SLC9A9: variants seen among roughly 807,000 people sequenced by gnomAD.
SLC9A9 encodes the protein sodium/hydrogen exchanger 9.
A neutral mutation model predicts 77.8 loss-of-function variants in SLC9A9; 62 were observed. The ratio of observed to expected loss-of-function variants is 0.80; its 90% CI spans 0.65 to 0.98. The LOEUF is 0.98. Among genes scored for constraint, SLC9A9 ranks in the 50% least tolerant of loss-of-function variants. SLC9A9 has a pLI of 0.00. For missense variants in SLC9A9, 775 were observed against 774.9 expected (o/e 1.00, Z 0.00); for synonymous variants, 320 against 283.5 (o/e 1.13, Z -1.29).
At chr3:143,624,009 A>C (rs1182968803) in intron 6 of SLC9A9, among the ~76,000 whole-genome samples, 1 of 152,238 alleles carries the variant, frequency 6.6e-6, no homozygotes, top group African/African-American at 2.4e-5. Context: ...AAACTAGAAA[A>C]TCTAGAAGAA....
chr3:143,656,581 C>T (rs1363137544), intron 5 of SLC9A9, among the ~76,000 whole-genome samples: 1 of 152,146 alleles, frequency 6.6e-6, no homozygotes, highest in Non-Finnish European at 1.5e-5. Flanking sequence ...AAGTGTTTTA[C>T]AAGGAATTTA....
At position 143,266,628 on chromosome 3, in the gene SLC9A9, G is replaced by A; in HGVS notation, c.*74C>T. 1 of 1,463,834 alleles carries A rather than the reference G, an allele frequency of 6.8e-7. No individual in the cohort carries two copies. The highest frequency in any genetic ancestry group is 9.5e-7 in the Non-Finnish European group (1 of 1,047,940). The allele number at this position is 1,463,834 out of a possible 1,614,324, so 90.7% of individuals were successfully genotyped here. A position where few individuals can be genotyped will look rare whatever the true frequency, so the allele number is the denominator to read the frequency against. ...TGTTTTCCAGCCTCTCCCCTGTACT[G>A]CCTCATCAGCTTGGCTTGTATTCCT... On this transcript the variant is annotated 3_prime_UTR_variant, in exon 16 of 16. Coordinates refer to ENST00000316549, the MANE Select transcript of SLC9A9 (RefSeq NM_173653.4).
intron 13 of SLC9A9, among the ~76,000 whole-genome samples, chr3:143,377,698 G>A (rs1039755548): frequency 6.6e-6 from 1 of 152,202 alleles, no homozygotes; most frequent in African/African-American, 2.4e-5. Flanking sequence ...ACAACAGCTG[G>A]CAGGGTGGAA....
intron 6 of SLC9A9, among the ~76,000 whole-genome samples, chr3:143,623,484 G>A (rs1015266458): frequency 4.6e-5 from 7 of 152,176 alleles, no homozygotes; most frequent in African/African-American, 1.7e-4. Flanking sequence ...TCAACTACAT[G>A]CAAACTGAAC....
rs561275900 is a variant in SLC9A9 at position 143,840,021 on chromosome 3, A to G, written c.176-7800T>C. Among the ~76,000 whole-genome samples, 3 of 152,250 alleles carry G rather than the reference A, an allele frequency of 2.0e-5. No individual in the cohort carries two copies. In the South Asian group the frequency reaches 6.2e-4, roughly 32 times the overall value. The stretch of plus-strand genomic sequence containing the variant: ...GAAAACAGAGGAAATGAAACTAGGC[A>G]CTATATTTCAAGTTTATTTTCCTAG... On this transcript the variant is annotated intron_variant, in intron 1 of 15. Coordinates refer to ENST00000316549, the MANE Select transcript of SLC9A9 (RefSeq NM_173653.4).
At chr3:143,481,101 G>A (rs1006923174) in intron 11 of SLC9A9, among the ~76,000 whole-genome samples, 3 of 152,144 alleles carry the variant, frequency 2.0e-5, no homozygotes, top group African/African-American at 7.2e-5. Flanking sequence ...ATTTATAGAA[G>A]CCTACTCACC....
rs920621551 is a variant in SLC9A9, at chr3:143,405,698, C to G, written c.1470-23584G>C. ...TGGGATGGGAAACACTAGTGGTCTGCCTCTCCCAGGGTGAAACCAGAGCTC... is the reference window on the plus strand; with the variant it reads ...TGGGATGGGAAACACTAGTGGTCTGGCTCTCCCAGGGTGAAACCAGAGCTC... On this transcript the variant is annotated intron_variant, in intron 12 of 15. Transcript: ENST00000316549. Among the ~76,000 whole-genome samples the G allele has an allele frequency of 4.6e-5, 7 of 152,310 alleles. No individual in the cohort carries two copies. The East Asian group carries it at 1.2e-3, about 25-fold the overall frequency.
chr3:143,756,133 G>A (rs548611766), intron 4 of SLC9A9, among the ~76,000 whole-genome samples: 3 of 152,116 alleles, frequency 2.0e-5, no homozygotes, highest in Admixed American at 6.6e-5. Context: ...GTACCCACAC[G>A]ATGTCAAACA....
At position 143,729,615 on chromosome 3, in the gene SLC9A9, T is replaced by C. The variant is rs193132530; in HGVS notation, c.534-36308A>G. Among the ~76,000 whole-genome samples, 58 of 152,258 alleles carry C rather than the reference T, an allele frequency of 3.8e-4. 1 individual carries two copies. The highest frequency in any genetic ancestry group is 1.3e-4 in the Non-Finnish European group (9 of 68,006). ...CATAACAAATGAAATCCAGACTCCT[T>C]GGGATGGCACAAAATACCTTTACTC... On this transcript the variant is annotated intron_variant, in intron 4 of 15. Transcript: ENST00000316549.
intron 15 of SLC9A9, among the ~76,000 whole-genome samples, chr3:143,267,390 C>G (rs1411463107): frequency 7.3e-6 from 1 of 137,416 alleles, no homozygotes; most frequent in Non-Finnish European, 1.5e-5. Context: ...ACTCTGTCAT[C>G]CAGCCTAGAG....
At chr3:143,700,672 T>A (rs2086755114) in intron 4 of SLC9A9, among the ~76,000 whole-genome samples, 1 of 152,206 alleles carries the variant, frequency 6.6e-6, no homozygotes, top group Admixed American at 6.5e-5. Flanking sequence ...GGTAGACTTG[T>A]AAGGATTTTG....
chr3:143,581,480 T>C (rs2037451404), intron 6 of SLC9A9, among the ~76,000 whole-genome samples: 1 of 152,112 alleles, frequency 6.6e-6, no homozygotes, highest in Non-Finnish European at 1.5e-5. Context: ...CTCTCCTTCC[T>C]TCCTTCCTTC....
chr3:143,667,040 A>G (rs1336161042), intron 5 of SLC9A9, among the ~76,000 whole-genome samples: 1 of 152,214 alleles, frequency 6.6e-6, no homozygotes, highest in Non-Finnish European at 1.5e-5. Context: ...CCTAAGCCAA[A>G]AGAACAAAGC....
intron 9 of SLC9A9, among the ~76,000 whole-genome samples, chr3:143,526,086 T>C (rs2036399890): frequency 6.6e-6 from 1 of 152,196 alleles, no homozygotes; most frequent in Non-Finnish European, 1.5e-5. Flanking sequence ...AACAGAAAGA[T>C]ATAACTAAAT....
chr3:143,847,588 ACT>A (rs2009856231), intron 1 of SLC9A9: 1 of 154,122 alleles, frequency 6.5e-6, no homozygotes, highest in Non-Finnish European at 1.4e-5. Context: ...GCATAAAGAA[ACT>A]CTCGTTTATT....
chr3:143,590,492 T>C (rs2037628083), intron 6 of SLC9A9, among the ~76,000 whole-genome samples: 2 of 152,206 alleles, frequency 1.3e-5, no homozygotes, highest in Admixed American at 1.3e-4. Flanking sequence ...GAATGAACAA[T>C]AGGCTTAGAG....
At chr3:143,457,357 C>T (rs1270036762) in intron 12 of SLC9A9, among the ~76,000 whole-genome samples, 1 of 152,112 alleles carries the variant, frequency 6.6e-6, no homozygotes, top group African/African-American at 2.4e-5. Flanking sequence ...GAGTCTTTTT[C>T]TTTTTGTCAG....
At chr3:143,379,334 G>A (rs1197973844) in intron 13 of SLC9A9, among the ~76,000 whole-genome samples, 1 of 152,202 alleles carries the variant, frequency 6.6e-6, no homozygotes. Context: ...GTTCTTGACA[G>A]TTTGGGAAGT....
intron 9 of SLC9A9, among the ~76,000 whole-genome samples, chr3:143,519,387 AG>A (rs1398873471): frequency 6.6e-6 from 1 of 152,222 alleles, no homozygotes; most frequent in Non-Finnish European, 1.5e-5. Context: ...GTGAAGAGCA[AG>A]ATAAAGACCC....
Sources: allele counts gnomAD v4.1 joint callset (sites outside exome capture counted in the v4.1 genomes callset), GRCh38; gene constraint gnomAD v4.1.1; transcripts MANE v1.5; gene names NCBI Gene and HGNC (gene_info 2026-07-23, HGNC 2026-07-21).